Variants in KRT34 observed in about 807,000 individuals in gnomAD.
KRT34 encodes keratin, type I cuticular Ha4.
A neutral mutation model predicts 41.7 loss-of-function variants in KRT34; 31 were observed. The ratio of observed to expected loss-of-function variants is 0.74; its 90% CI spans 0.56 to 1.00. KRT34 has a LOEUF of 1.00. Ranked by LOEUF, KRT34 falls within the 50% of genes least tolerant of loss-of-function variation. The pLI is 0.00. For synonymous variants in KRT34, 224 were observed against 212.9 expected, an observed-to-expected ratio of 1.05 and a Z score of -0.45; for missense variants, 523 against 500.3, an observed-to-expected ratio of 1.05 and a Z score of -0.43.
rs1420651620 is a variant in KRT34 at position 41,379,687 on chromosome 17, C to T, written c.633G>A (p.Val211=). The T allele has an allele frequency of 6.2e-7, 1 of 1,613,252 alleles. No individual in the cohort carries two copies. The highest frequency in any genetic ancestry group is 1.3e-5 in the African/African-American group (1 of 75,018). ...LRSQLGDRLN[V]EVDTAPTVDL... is the part of the protein sequence containing the mutation. ...CCACAGTGGGGGCAGTGTCCACCTC[C>T]ACGTTGAGGCGGTCTCCAAGCTGGG... The change falls in exon 4 of 7, where the codon GTG becomes GTA. Residue 211 remains valine (V), a synonymous_variant. Coordinates refer to ENST00000394001, the MANE Select transcript of KRT34 (RefSeq NM_001386014.1).
At chr17:41,383,375 T>A (rs1358769421), upstream of KRT34, among the ~76,000 whole-genome samples, 1 of 152,252 alleles carries the variant, frequency 6.6e-6, no homozygotes, top group Non-Finnish European at 1.5e-5. Flanking sequence ...TGTATATGGC[T>A]GCTTTTGTGC....
chr17:41,381,680 A>G, intron 2 of KRT34, 33 bp downstream of exon 2: 1 of 1,586,920 alleles, frequency 6.3e-7, no homozygotes, highest in South Asian at 1.1e-5. Flanking sequence ...TAGGGCCATG[A>G]AAGAACCATA....
Position 41,382,260 on chromosome 17 carries a change from G to T in KRT34, c.-14C>A, listed in dbSNP as rs201695516. 16 of 1,613,006 alleles carry T rather than the reference G, an allele frequency of 9.9e-6. No homozygotes were observed. The African/African-American group carries it at 2.0e-4, about 20-fold the overall frequency. The stretch of plus-strand genomic sequence containing the variant: ...ACTGTAAGACATGGTGCTGGAACAG[G>T]TAATGGAAAAGCAGGTAAGCTGCTG... On this transcript the variant is annotated 5_prime_UTR_variant, in exon 1 of 7. Transcript: ENST00000394001.
Position 41,382,181 on chromosome 17 carries a change from C to T in KRT34, c.66G>A (p.Val22=). 1.9e-6 allele frequency: 3 copies of T among 1,612,338 alleles called. No homozygotes were observed. The highest frequency in any genetic ancestry group is 1.7e-6 in the Non-Finnish European group (2 of 1,180,020). ...CRTSCSSRPC[V]PPSCHGYTLP... ...GGGTGTAGCCGTGGCAGCTGGGGGG[C>T]ACGCAGGGCCGGGAGGAGCAGCTGG... Residue 22 remains valine, a synonymous_variant, in exon 1 of 7, where the codon GTG becomes GTA. Transcript: ENST00000394001.
rs1272175618 is a variant in KRT34 at position 41,379,477 on chromosome 17, G to A, written c.752C>T (p.Thr251Ile). Residue 251 changes from threonine (T) to isoleucine (I), a missense_variant and splice_region_variant, in exon 5 of 7, where the codon ACC becomes ATC. By Grantham distance (89) the Thr-to-Ile change is moderately conservative (BLOSUM62 -1). Transcript: ENST00000394001. ...TACCACCTGCTTGTTCAGCTCCTCG[G>A]TCTGAAACACCCAAGTGGGGAAAGG... ...REVEQWFATQ[T>I]EELNKQVVSS... 1.9e-6 allele frequency: 3 copies of A among 1,614,124 alleles called. No individual in the cohort carries two copies. The African/African-American group carries it at 4.0e-5, about 22-fold the overall frequency.
chr17:41,381,244 G>A (rs1344563288), intron 2 of KRT34, 32 bp from the exon 3 acceptor site: 2 of 1,601,646 alleles, frequency 1.2e-6, no homozygotes, highest in Non-Finnish European at 1.7e-6. Flanking sequence ...GATAAGTCAG[G>A]AAAGAAAACC....
At position 41,381,962 on chromosome 17, in the gene KRT34, C is replaced by T; in HGVS notation, c.285G>A (p.Gln95=). 3 of 1,614,284 alleles carry T rather than the reference C, an allele frequency of 1.9e-6. No individual in the cohort carries two copies. Among genetic ancestry groups the T allele is most frequent in the Non-Finnish European group, 1.7e-6 (2 of 1,180,052 alleles). ...EKLIQERSQQ[Q]EPLLCPSYQS... ...GGTAGCTGGGGCACAGCAAGGGCTCCTGCTGCTGGGACCGCTCCTGGATGA... is the reference window on the plus strand; with the variant it reads ...GGTAGCTGGGGCACAGCAAGGGCTCTTGCTGCTGGGACCGCTCCTGGATGA... The change falls in exon 1 of 7, where the codon CAG becomes CAA. Residue 95 remains glutamine (Q), a synonymous_variant. Coordinates refer to ENST00000394001, the MANE Select transcript of KRT34 (RefSeq NM_001386014.1).
At chr17:41,382,844 C>T (rs1363673553), upstream of KRT34, among the ~76,000 whole-genome samples, 2 of 152,080 alleles carry the variant, frequency 1.3e-5, no homozygotes, top group Non-Finnish European at 2.9e-5. Flanking sequence ...AGGGAACTTG[C>T]CAACACATGG....
rs756539027 is a variant in KRT34, at chr17:41,381,057, T to G, written c.587A>C (p.Glu196Ala). 41 of 1,613,910 alleles carry G rather than the reference T, an allele frequency of 2.5e-5. No individual in the cohort carries two copies. Among genetic ancestry groups the G allele is most frequent in the Non-Finnish European group, 3.1e-5 (36 of 1,179,976 alleles). The change falls in exon 3 of 7, where the codon GAG becomes GCG. Residue 196 changes from glutamate to alanine, a missense_variant and splice_region_variant. Transcript: ENST00000394001. The stretch of plus-strand genomic sequence containing the variant: ...TGCTTTTGTGAATTTGTTTCATACC[T>G]CCTCATGGTTCTTCTTCAAGCAGAT... ...ELICLKKNHE[E>A]EVNTLRSQLG...
Position 41,380,205 on chromosome 17 carries a change from G to A in KRT34, c.589-474C>T, listed in dbSNP as rs112312850. 4.4e-3 allele frequency among the ~76,000 whole-genome samples: 663 copies of A among 151,600 alleles called. 5 individuals carry two copies. Among genetic ancestry groups the A allele is most frequent in the African/African-American group, 0.015 (613 of 41,266 alleles). ...ACCAGGGAGTCGGATGTTACAGTGAGCCTAGATCACGCCACTGCACTCCAG... is the reference window on the plus strand; with the variant it reads ...ACCAGGGAGTCGGATGTTACAGTGAACCTAGATCACGCCACTGCACTCCAG... On this transcript the variant is annotated intron_variant, in intron 3 of 6. Transcript: ENST00000394001.
intron 4 of KRT34, 31 bp downstream of exon 4, chr17:41,379,539 G>C: frequency 6.2e-7 from 1 of 1,613,896 alleles, no homozygotes; most frequent in Non-Finnish European, 8.5e-7. Context: ...GGCACCTCGG[G>C]TCCTGAGTGG....
At chr17:41,383,340 C>T (rs916117971), upstream of KRT34, among the ~76,000 whole-genome samples, 1 of 152,174 alleles carries the variant, frequency 6.6e-6, no homozygotes, top group African/African-American at 2.4e-5. Context: ...TAATGGAACA[C>T]AGCCATGCCC....
upstream of KRT34, chr17:41,382,356 G>C (rs1470063328): frequency 1.2e-6 from 2 of 1,611,648 alleles, no homozygotes; most frequent in Admixed American, 1.7e-5. Flanking sequence ...TGTGGGTGGG[G>C]GCTTGGCATA....
Position 41,382,229 on chromosome 17 carries a change from G to A in KRT34, c.18C>T (p.Cys6=), listed in dbSNP as rs745827050. The change falls in exon 1 of 7, where the codon TGC becomes TGT. Residue 6 remains cysteine, a synonymous_variant. Transcript: ENST00000394001. ...TGGTGCGGCAGCCCAGGCTGGGCAG[G>A]CAACAACTGTAAGACATGGTGCTGG... MSYSC[C]LPSLGCRTSC... 2.5e-6 allele frequency: 4 copies of A among 1,612,504 alleles called. No individual in the cohort carries two copies. The highest frequency in any genetic ancestry group is 2.1e-4 in the Middle Eastern group (1 of 4,736).
chr17:41,379,373 G>T lies in KRT34; in HGVS notation c.856C>A (p.Leu286Met), dbSNP rs2017922512. Residue 286 changes from leucine (L) to methionine (M), a missense_variant, in exon 5 of 7, where the codon CTG becomes ATG. By Grantham distance (15) the Leu-to-Met change is conservative. Transcript: ENST00000394001. ...CACACCAGGTTGTGCTGGGCCTGCAGCTCGATCTCCAGGGCGTTGACTGTG... is the reference window on the plus strand; with the variant it reads ...CACACCAGGTTGTGCTGGGCCTGCATCTCGATCTCCAGGGCGTTGACTGTG... ...RRTVNALEIE[L>M]QAQHNLRDSL... is the part of the protein sequence containing the mutation. 1.7e-5 allele frequency: 27 copies of T among 1,613,184 alleles called. No individual in the cohort carries two copies. Among genetic ancestry groups the T allele is most frequent in the Non-Finnish European group, 2.1e-5 (25 of 1,180,042 alleles).
chr17:41,382,450 C>G, upstream of KRT34: 2 of 1,200,146 alleles, frequency 1.7e-6, no homozygotes, highest in South Asian at 1.4e-5. Context: ...CCCCCCTCAA[C>G]CCATAAAATT....
At position 41,379,384 on chromosome 17, in the gene KRT34, A is replaced by G. The variant is rs2017923131; in HGVS notation, c.845T>C (p.Leu282Pro). ...IIELRRTVNA[L>P]EIELQAQHNL... is the part of the protein sequence containing the mutation. ...GTGCTGGGCCTGCAGCTCGATCTCC[A>G]GGGCGTTGACTGTGCGTCTCAGCTC... The change falls in exon 5 of 7, where the codon CTG (leucine) becomes CCG (proline). Residue 282 changes from leucine to proline, a missense_variant. Coordinates refer to ENST00000394001, the MANE Select transcript of KRT34 (RefSeq NM_001386014.1). 2 of 1,613,292 alleles carry G rather than the reference A, an allele frequency of 1.2e-6. No homozygotes were observed. The highest frequency in any genetic ancestry group is 2.7e-5 in the African/African-American group (2 of 74,904).
chr17:41,383,309 G>A (rs150321733), upstream of KRT34, among the ~76,000 whole-genome samples: 12 of 152,278 alleles, frequency 7.9e-5, no homozygotes, highest in South Asian at 2.1e-4. Context: ...GAGCCAATGC[G>A]TCCGGCAGTA....
intron 3 of KRT34, among the ~76,000 whole-genome samples, chr17:41,380,262 A>G (rs2017952561): frequency 6.8e-6 from 1 of 147,968 alleles, no homozygotes; most frequent in African/African-American, 2.5e-5. Flanking sequence ...CGTCAAAAAA[A>G]AAAAAGCACT....
Sources: gnomAD v4.1 joint callset for allele counts (sites outside exome capture counted in the v4.1 genomes callset) on GRCh38, gnomAD v4.1.1 for gene constraint, MANE v1.5 for transcripts, NCBI Gene and HGNC (gene_info 2026-07-23, HGNC 2026-07-21) for gene names.